The following VPS13D variants were observed in gnomAD, a reference collection of about 807,000 sequenced individuals.
The protein encoded by VPS13D is vacuolar protein sorting 13 homolog D, also known as intermembrane lipid transfer protein VPS13D.
A neutral mutation model predicts 461.9 loss-of-function variants in VPS13D; 187 were observed. That is an observed-to-expected ratio of 0.40 (90% CI 0.36 to 0.46). The LOEUF is 0.46. Ranked by LOEUF, VPS13D falls within the 20% of genes least tolerant of loss-of-function variation. The pLI, the probability that VPS13D is intolerant of heterozygous loss-of-function variation, is 0.60. For synonymous variants in VPS13D, 1,951 were observed against 1,986.3 expected, an observed-to-expected ratio of 0.98 and a Z score of 0.47; for missense variants, 4,711 against 5,364.9, an observed-to-expected ratio of 0.88 and a Z score of 3.81.
chr1:12,474,491 T>TA (rs76385525), intron 67 of VPS13D, among the ~76,000 whole-genome samples: 7,475 of 145,332 alleles, frequency 0.051, 252 homozygotes, highest in South Asian at 0.11. Flanking sequence ...CTAGGTCTGT[T>TA]AAAAAAAAAA....
At chr1:12,245,650 G>A (rs932617140) in intron 5 of VPS13D, among the ~76,000 whole-genome samples, 1 of 152,114 alleles carries the variant, frequency 6.6e-6, no homozygotes, top group African/African-American at 2.4e-5. Context: ...CTTGAGCCGA[G>A]GAGTTGGGCT....
intron 54 of VPS13D, among the ~76,000 whole-genome samples, chr1:12,373,098 T>G (rs1429293959): frequency 7.4e-6 from 1 of 135,634 alleles, no homozygotes; most frequent in Non-Finnish European, 1.6e-5. Flanking sequence ...TGGCTTGGTT[T>G]TTTTTTTTTT....
At chr1:12,235,500 A>G (rs1640119634) in intron 2 of VPS13D, among the ~76,000 whole-genome samples, 3 of 152,158 alleles carry the variant, frequency 2.0e-5, no homozygotes, top group Non-Finnish European at 4.4e-5. Flanking sequence ...GCTTGAAACC[A>G]GAAGGCGGAG....
chr1:12,477,362 C>A (rs1271674972), intron 67 of VPS13D, among the ~76,000 whole-genome samples: 1 of 152,180 alleles, frequency 6.6e-6, no homozygotes, highest in East Asian at 1.9e-4. Context: ...AACCCAGTAG[C>A]CTCATTTTAC....
At chr1:12,438,053 G>A (rs1645083532) in intron 65 of VPS13D, among the ~76,000 whole-genome samples, 1 of 152,126 alleles carries the variant, frequency 6.6e-6, no homozygotes, top group Non-Finnish European at 1.5e-5. Flanking sequence ...GTGTTCCGTA[G>A]CTGTCTTCCC....
At chr1:12,287,641 C>T (rs1466324242) in intron 21 of VPS13D, among the ~76,000 whole-genome samples, 2 of 152,158 alleles carry the variant, frequency 1.3e-5, no homozygotes, top group Non-Finnish European at 2.9e-5. Context: ...TTAATAGTTA[C>T]AATTACAATA....
intron 52 of VPS13D, among the ~76,000 whole-genome samples, 177 bp from the exon 53 acceptor site, chr1:12,368,291 A>G (rs982843202): frequency 6.6e-6 from 1 of 152,194 alleles, no homozygotes; most frequent in Non-Finnish European, 1.5e-5. Context: ...CCATTTTGTA[A>G]TCATATTACC....
chr1:12,277,916 A>G lies in VPS13D; in HGVS notation c.4328A>G (p.Glu1443Gly), dbSNP rs939174507. The change falls in exon 19 of 70, where the codon GAA (glutamate) becomes GGA (glycine). Residue 1443 changes from glutamate to glycine, a missense_variant. This residue lies in a region of VPS13D where 4,411 missense variants were observed against 4,937.8 expected (regional missense o/e 0.89). Coordinates refer to ENST00000620676, the MANE Select transcript of VPS13D (RefSeq NM_015378.4). The stretch of plus-strand genomic sequence containing the variant: ...AATTGCACCCAGTTGGCAGGTAGAG[A>G]AGCTGTTGGGTCTGAAGGAAGCCGG... ...SLNCTQLAGR[E>G]AVGSEGSRMF... The G allele has an allele frequency of 2.2e-5, 36 of 1,614,166 alleles. No individual in the cohort carries two copies. The highest frequency in any genetic ancestry group is 3.1e-5 in the Non-Finnish European group (36 of 1,180,016).
intron 50 of VPS13D, among the ~76,000 whole-genome samples, chr1:12,358,966 C>A (rs1003065052): frequency 6.6e-6 from 1 of 152,122 alleles, no homozygotes; most frequent in Non-Finnish European, 1.5e-5. Flanking sequence ...TTTGCAAGCC[C>A]TAAGAGGGTA....
intron 47 of VPS13D, among the ~76,000 whole-genome samples, 154 bp from the exon 48 acceptor site, chr1:12,355,745 C>T (rs1432915003): frequency 6.6e-6 from 1 of 152,090 alleles, no homozygotes. Context: ...TTGATCCCTA[C>T]CCTAGCTAGA....
chr1:12,492,181 A>C (rs1330104628), intron 67 of VPS13D, among the ~76,000 whole-genome samples: 1 of 152,244 alleles, frequency 6.6e-6, no homozygotes, highest in African/African-American at 2.4e-5. Flanking sequence ...GGTGGGCCTG[A>C]GTCGTTTAGA....
intron 17 of VPS13D, among the ~76,000 whole-genome samples, chr1:12,271,989 C>G (rs1018786007): frequency 6.6e-6 from 1 of 151,336 alleles, no homozygotes; most frequent in Admixed American, 6.6e-5. Context: ...CTCAGGAGTT[C>G]GAGACCAGCC....
chr1:12,418,055 C>T (rs796754937), intron 65 of VPS13D, among the ~76,000 whole-genome samples: 25 of 152,160 alleles, frequency 1.6e-4, no homozygotes, highest in African/African-American at 5.1e-4. Flanking sequence ...TACAGGTGCC[C>T]GGCACCACAC....
At chr1:12,274,432 G>A (rs1159901219) in intron 18 of VPS13D, among the ~76,000 whole-genome samples, 1 of 151,404 alleles carries the variant, frequency 6.6e-6, no homozygotes, top group Non-Finnish European at 1.5e-5. Flanking sequence ...CTGTCTTGGC[G>A]ACCCAAAGTG....
At chr1:12,300,256 G>A (rs1227976427) in intron 25 of VPS13D, among the ~76,000 whole-genome samples, 1 of 133,894 alleles carries the variant, frequency 7.5e-6, no homozygotes, top group Non-Finnish European at 1.5e-5. Context: ...TGCCAAGGCT[G>A]GAGTGCAGTG....
intron 54 of VPS13D, among the ~76,000 whole-genome samples, chr1:12,371,324 G>T (rs1207401547): frequency 6.6e-6 from 1 of 151,892 alleles, no homozygotes; most frequent in Admixed American, 6.5e-5. Context: ...TTTTTGTCTG[G>T]ATTCTTTCAC....
chr1:12,382,008 T>C (rs568503679), intron 57 of VPS13D, among the ~76,000 whole-genome samples: 85 of 145,046 alleles, frequency 5.9e-4, no homozygotes, highest in Non-Finnish European at 8.3e-4. Context: ...TTCCTTCCTT[T>C]CTTCCTTCCT....
chr1:12,508,524 T>C (rs966538391), intron 69 of VPS13D, among the ~76,000 whole-genome samples: 1 of 129,266 alleles, frequency 7.7e-6, no homozygotes, highest in Non-Finnish European at 1.6e-5. Context: ...GCTAACACGG[T>C]GAAACCCCAT....
At chr1:12,478,897 G>A (rs1189926990) in intron 67 of VPS13D, 1 of 455,508 alleles carries the variant, frequency 2.2e-6, no homozygotes, top group Non-Finnish European at 4.4e-6. Flanking sequence ...CGGCCGTGGA[G>A]TGCTCTTGTC....
Sources: allele counts gnomAD v4.1 joint callset (sites outside exome capture counted in the v4.1 genomes callset), GRCh38; gene constraint gnomAD v4.1.1; regional missense constraint gnomAD v4.1.1; transcripts MANE v1.5; gene names NCBI Gene and HGNC (gene_info 2026-07-23, HGNC 2026-07-21).